PHACTR1: variants seen among roughly 807,000 people sequenced by gnomAD.
The protein encoded by PHACTR1 is RPEL repeat containing 1.
PHACTR1 carries 16 observed loss-of-function variants against 69.2 expected under a neutral mutation model. The observed-to-expected ratio is 0.23, with a 90% CI of 0.16 to 0.35. The LOEUF (loss-of-function observed/expected upper bound fraction) is 0.35, where lower values mean the gene tolerates loss of function less well. PHACTR1 is among the 10% of genes least tolerant of loss of function. The pLI is 1.00. For synonymous variants in PHACTR1, 312 were observed against 284.5 expected (o/e 1.10, Z -0.97); for missense variants, 510 against 734.7 (o/e 0.69, Z 3.54).
At chr6:13,094,129 C>T (rs6911906) in intron 5 of PHACTR1, among the ~76,000 whole-genome samples, 2,449 of 152,204 alleles carry the variant, frequency 0.016, 55 homozygotes, top group African/African-American at 0.053. Flanking sequence ...AGTCCTCCCG[C>T]CTCAGCCTCC....
At chr6:13,061,829 A>G (rs1208326712) in intron 5 of PHACTR1, among the ~76,000 whole-genome samples, 1 of 152,080 alleles carries the variant, frequency 6.6e-6, no homozygotes, top group Admixed American at 6.6e-5. Flanking sequence ...CCAAATTGAG[A>G]TGTTTTGGCC....
At chr6:13,256,090 C>T (rs1419205964) in intron 10 of PHACTR1, among the ~76,000 whole-genome samples, 1 of 152,260 alleles carries the variant, frequency 6.6e-6, no homozygotes, top group Non-Finnish European at 1.5e-5. Flanking sequence ...TAGGCCTCAA[C>T]TCTTGTACTC....
intron 4 of PHACTR1, among the ~76,000 whole-genome samples, chr6:12,932,376 A>G (rs1321337582): frequency 6.6e-6 from 1 of 152,222 alleles, no homozygotes; most frequent in Non-Finnish European, 1.5e-5. Flanking sequence ...GATAGCAAGT[A>G]TGGCCAATGC....
At position 13,061,668 on chromosome 6, in the gene PHACTR1, A is replaced by G. The variant is rs149471349; in HGVS notation, c.415+8139A>G. On this transcript the variant is annotated intron_variant, in intron 5 of 14. Transcript: ENST00000332995. The stretch of plus-strand genomic sequence containing the variant: ...ACGGTAAATGATCCTACTTACTAGT[A>G]GACTAACAACTATATATCTTATTTG... Among the ~76,000 whole-genome samples, 60 of 152,328 alleles carry G rather than the reference A, an allele frequency of 3.9e-4. No individual in the cohort carries two copies. The East Asian group carries it at 9.4e-3, about 24-fold the overall frequency.
intron 5 of PHACTR1, among the ~76,000 whole-genome samples, chr6:13,074,860 A>G (rs1370644907): frequency 1.3e-5 from 2 of 152,198 alleles, no homozygotes. Flanking sequence ...ATACACAGTT[A>G]ATGGGAAAAA....
intron 3 of PHACTR1, among the ~76,000 whole-genome samples, chr6:12,725,405 A>G (rs1039775774): frequency 2.0e-5 from 3 of 152,150 alleles, no homozygotes; most frequent in Admixed American, 2.0e-4. Flanking sequence ...ACCCAGCCCC[A>G]TTGTCACCTC....
At chr6:13,206,158 G>A (rs1397520844) in intron 8 of PHACTR1, 22 bp downstream of exon 8, 5 of 1,531,130 alleles carry the variant, frequency 3.3e-6, no homozygotes, top group Non-Finnish European at 4.4e-6. Flanking sequence ...CACCAGGAGG[G>A]AGGACGGGAG....
At chr6:13,188,990 C>G (rs1250865777) in intron 7 of PHACTR1, among the ~76,000 whole-genome samples, 1 of 152,242 alleles carries the variant, frequency 6.6e-6, no homozygotes. Flanking sequence ...TCTCCTGCCT[C>G]TCTAAGTCAT....
intron 5 of PHACTR1, among the ~76,000 whole-genome samples, chr6:13,081,232 T>C (rs73368175): frequency 0.01 from 1,523 of 152,282 alleles, 17 homozygotes; most frequent in African/African-American, 0.034. Flanking sequence ...CTGAACTGGG[T>C]TCTACTAGAA....
chr6:13,114,009 G>T (rs767723421), intron 5 of PHACTR1, among the ~76,000 whole-genome samples: 2 of 152,014 alleles, frequency 1.3e-5, no homozygotes, highest in Admixed American at 6.6e-5. Context: ...AAACATAAAG[G>T]TCTGCAAAAA....
chr6:13,125,289 C>T (rs539103610), intron 5 of PHACTR1, among the ~76,000 whole-genome samples: 1 of 152,128 alleles, frequency 6.6e-6, no homozygotes, highest in Admixed American at 6.5e-5. Context: ...CCTGAAAATT[C>T]TCAAATATCT....
At chr6:13,196,804 G>A (rs1157137339) in intron 7 of PHACTR1, among the ~76,000 whole-genome samples, 1 of 152,186 alleles carries the variant, frequency 6.6e-6, no homozygotes, top group Non-Finnish European at 1.5e-5. Flanking sequence ...GGAGCATTTT[G>A]TGGTGGTGTT....
intron 4 of PHACTR1, among the ~76,000 whole-genome samples, chr6:12,950,157 C>T (rs1039703716): frequency 6.6e-6 from 1 of 152,208 alleles, no homozygotes; most frequent in African/African-American, 2.4e-5. Flanking sequence ...CATGAGGTTG[C>T]AGTTCAGGCA....
chr6:13,045,307 G>C (rs1240364746), intron 4 of PHACTR1, among the ~76,000 whole-genome samples: 1 of 152,176 alleles, frequency 6.6e-6, no homozygotes, highest in African/African-American at 2.4e-5. Flanking sequence ...TAAGTGCTTA[G>C]ATCAGTGTCT....
Position 13,245,429 on chromosome 6 carries a change from G to A in PHACTR1, c.1391+15236G>A, listed in dbSNP as rs920657226. On this transcript the variant is annotated intron_variant, in intron 10 of 14. Coordinates refer to ENST00000332995, the MANE Select transcript of PHACTR1 (RefSeq NM_030948.6). This position sits in a 1 kb window ranked among gnomAD's most constrained non-coding sequence, Gnocchi z 4.1. ...CATTTCTCTAATAATTAATGATGTT[G>A]AGCATTTTTTCATGTTTGTTGGCCA... 4.6e-5 allele frequency among the ~76,000 whole-genome samples: 7 copies of A among 152,162 alleles called. No homozygotes were observed. The highest frequency in any genetic ancestry group is 4.6e-4 in the Admixed American group (7 of 15,276).
rs1046789990 is a variant in PHACTR1 at position 13,287,566 on chromosome 6, C to A, written c.*488C>A. 3.2e-4 allele frequency: 50 copies of A among 154,194 alleles called. 1 individual carries two copies. The highest frequency in any genetic ancestry group is 6.5e-4 in the Admixed American group (10 of 15,330). 9.6% of individuals were successfully genotyped at this position (154,194 alleles called of 1,614,324 possible). On this transcript the variant is annotated 3_prime_UTR_variant, in exon 15 of 15. Transcript: ENST00000332995. ...CCAAATGTACTGGCTCCAGACATGACATTTGGTTTGGGGGCCCTTTGAAGT... is the reference window on the plus strand; with the variant it reads ...CCAAATGTACTGGCTCCAGACATGAAATTTGGTTTGGGGGCCCTTTGAAGT...
intron 5 of PHACTR1, among the ~76,000 whole-genome samples, chr6:13,151,051 G>T (rs559413734): frequency 6.6e-6 from 1 of 152,230 alleles, no homozygotes; most frequent in East Asian, 1.9e-4. Context: ...TTTGTCACTT[G>T]TAGATTTCTA....
intron 5 of PHACTR1, among the ~76,000 whole-genome samples, chr6:13,067,540 G>C (rs1249615265): frequency 6.6e-6 from 1 of 152,188 alleles, no homozygotes; most frequent in African/African-American, 2.4e-5. Flanking sequence ...AGTCTTTAAA[G>C]AGGAAAGTCA....
intron 4 of PHACTR1, among the ~76,000 whole-genome samples, chr6:12,801,943 T>G (rs1407687653): frequency 6.6e-6 from 1 of 152,008 alleles, no homozygotes; most frequent in African/African-American, 2.4e-5. Context: ...TGTCTTTTGA[T>G]GACCTTGTTT....
Sources: gnomAD v4.1 joint callset for allele counts (sites outside exome capture counted in the v4.1 genomes callset) on GRCh38, gnomAD v4.1.1 for gene constraint, Gnocchi (gnomAD v3.1) non-coding constraint, MANE v1.5 for transcripts, NCBI Gene and HGNC (gene_info 2026-07-23, HGNC 2026-07-21) for gene names.